SNX29: variants seen among roughly 807,000 people sequenced by gnomAD.
The protein encoded by SNX29 is sorting nexin 29.
In SNX29, 78 loss-of-function variants were observed where a neutral mutation model predicts 102.1. The observed-to-expected ratio is 0.76, with a 90% confidence interval of 0.64 to 0.92. The LOEUF is 0.92. SNX29 is among the 40% of genes least tolerant of loss of function. SNX29 has a pLI of 0.00. For synonymous variants in SNX29, 580 were observed against 414.5 expected (o/e 1.40, Z -4.85); for missense variants, 1,280 against 1,061.7 (o/e 1.21, Z -2.86).
At chr16:12,130,789 T>C (rs1309998599) in intron 13 of SNX29, among the ~76,000 whole-genome samples, 2 of 152,116 alleles carry the variant, frequency 1.3e-5, no homozygotes, top group Admixed American at 6.6e-5. Flanking sequence ...CAGCATTCAC[T>C]TGACATCTCA....
chr16:12,276,478 C>T (rs1363047315), intron 14 of SNX29, among the ~76,000 whole-genome samples: 1 of 152,170 alleles, frequency 6.6e-6, no homozygotes, highest in African/African-American at 2.4e-5. Flanking sequence ...TGGTTTTGCT[C>T]AGCCTTCCTG....
At chr16:12,404,258 G>A (rs2084075858) in intron 18 of SNX29, among the ~76,000 whole-genome samples, 1 of 152,192 alleles carries the variant, frequency 6.6e-6, no homozygotes, top group Non-Finnish European at 1.5e-5. Context: ...CCGCACCCAG[G>A]TGGGCATTGA....
chr16:12,013,501 ATAT>A lies in SNX29; in HGVS notation c.122+10459_122+10461del, dbSNP rs1276738705. 3.6e-3 allele frequency among the ~76,000 whole-genome samples: 148 copies of A among 40,874 alleles called. 4 individuals are homozygous for A. The highest frequency in any genetic ancestry group is 9.7e-3 in the African/African-American group (107 of 11,028). 26.8% of individuals were successfully genotyped at this position (40,874 alleles called of 152,430 possible). The stretch of plus-strand genomic sequence containing the variant: ...TCTCTACTGGGGGAAAAAAAAAAAA[ATAT>A]ATATATATATATATATATATATATA... On this transcript the variant is annotated intron_variant, in intron 3 of 20. Transcript: ENST00000566228.
At chr16:12,119,939 AGT>A (rs2053902378) in intron 11 of SNX29, among the ~76,000 whole-genome samples, 1 of 152,238 alleles carries the variant, frequency 6.6e-6, no homozygotes, top group Admixed American at 6.5e-5. Context: ...TGAAACAGGC[AGT>A]GTGTGGTAAC....
At chr16:11,995,721 A>G (rs1419667400) in intron 1 of SNX29, among the ~76,000 whole-genome samples, 2 of 151,344 alleles carry the variant, frequency 1.3e-5, no homozygotes, top group African/African-American at 2.4e-5. Flanking sequence ...TTTATTATTC[A>G]GGTGTGAAAG....
At chr16:12,227,720 C>T (rs1354465631) in intron 14 of SNX29, among the ~76,000 whole-genome samples, 4 of 151,786 alleles carry the variant, frequency 2.6e-5, no homozygotes, top group South Asian at 2.1e-4. Context: ...GCCAACATGG[C>T]GAAACCCAGT....
At chr16:12,557,226 TG>T (rs1458434598) in intron 20 of SNX29, 1 of 152,176 alleles carries the variant, frequency 6.6e-6, no homozygotes, top group African/African-American at 2.4e-5. Context: ...CATACGAATT[TG>T]GGAAGCTTTA....
At chr16:12,416,014 A>G (rs6498294) in intron 18 of SNX29, among the ~76,000 whole-genome samples, 70,977 of 151,802 alleles carry the variant, frequency 0.47, 18,180 homozygotes, top group Non-Finnish European at 0.58. Flanking sequence ...CCGTACTGTC[A>G]GACACATGCA....
intron 18 of SNX29, among the ~76,000 whole-genome samples, chr16:12,466,168 TA>T (rs2087042851): frequency 6.6e-6 from 1 of 151,926 alleles, no homozygotes; most frequent in African/African-American, 2.4e-5. Flanking sequence ...GAAAAAGAAA[TA>T]AAAGGCATCC....
chr16:11,986,177 T>C (rs1241977424), intron 1 of SNX29, among the ~76,000 whole-genome samples: 1 of 152,036 alleles, frequency 6.6e-6, no homozygotes, highest in Admixed American at 6.6e-5. Context: ...GTTTGAATCC[T>C]GCAAGGGGAG....
chr16:12,371,899 T>G (rs983993078), intron 16 of SNX29, among the ~76,000 whole-genome samples: 1 of 152,254 alleles, frequency 6.6e-6, no homozygotes, highest in African/African-American at 2.4e-5. Flanking sequence ...CATTTGCTCC[T>G]CCTGTTCCTT....
At chr16:12,535,849 A>G (rs941736932) in intron 20 of SNX29, among the ~76,000 whole-genome samples, 12 of 152,130 alleles carry the variant, frequency 7.9e-5, no homozygotes, top group Admixed American at 6.5e-4. Context: ...TAGATCGGCC[A>G]TGGGAGCCCT....
chr16:12,176,804 C>A (rs1294268063), intron 13 of SNX29, among the ~76,000 whole-genome samples: 1 of 152,116 alleles, frequency 6.6e-6, no homozygotes, highest in East Asian at 1.9e-4. Context: ...GTGTTGCTAT[C>A]AAATGTTGAT....
rs564156499 is a variant in SNX29, at chr16:12,013,488, G to GAAAAAAAAAAAAAAA, written c.122+10458_122+10459insAAAAAAAAAAAAAAA. ...TAGTGAAACCCTGTCTCTACTGGGG[G>GAAAAAAAAAAAAAAA]AAAAAAAAAAAAATATATATATATA... On this transcript the variant is annotated intron_variant, in intron 3 of 20. Transcript: ENST00000566228. Among the ~76,000 whole-genome samples the GAAAAAAAAAAAAAAA allele has an allele frequency of 3.9e-4, 5 of 12,976 alleles. 1 individual carries two copies. The highest frequency in any genetic ancestry group is 6.7e-4 in the Non-Finnish European group (4 of 6,008). 8.5% of individuals were successfully genotyped at this position (12,976 alleles called of 152,430 possible). A position where few individuals can be genotyped will look rare whatever the true frequency, so the allele number is the denominator to read the frequency against.
intron 20 of SNX29, among the ~76,000 whole-genome samples, chr16:12,528,561 T>A (rs2076848671): frequency 6.6e-6 from 1 of 152,270 alleles, no homozygotes; most frequent in South Asian, 2.1e-4. Flanking sequence ...CTCCCACACT[T>A]GGATGCCCCG....
At chr16:12,249,182 T>C (rs1004019826) in intron 14 of SNX29, among the ~76,000 whole-genome samples, 41 of 152,184 alleles carry the variant, frequency 2.7e-4, no homozygotes, top group African/African-American at 9.7e-4. Context: ...TGCTCCATGA[T>C]GTCTGAGGCC....
At chr16:12,223,028 A>C (rs2077518702) in intron 14 of SNX29, among the ~76,000 whole-genome samples, 1 of 152,092 alleles carries the variant, frequency 6.6e-6, no homozygotes, top group Non-Finnish European at 1.5e-5. Context: ...TTGGATTCTA[A>C]ATTTGGGACT....
At chr16:12,087,591 G>C (rs1445209708) in intron 11 of SNX29, 1 of 343,824 alleles carries the variant, frequency 2.9e-6, no homozygotes, top group Non-Finnish European at 5.8e-6. Context: ...AGCAAGACCT[G>C]CCTCTTAAAC....
intron 20 of SNX29, among the ~76,000 whole-genome samples, chr16:12,566,346 C>G (rs1486743985): frequency 1.3e-5 from 2 of 152,198 alleles, no homozygotes; most frequent in Non-Finnish European, 2.9e-5. Context: ...AGTCACCCCA[C>G]CGACTGCTAC....
Sources: gnomAD v4.1 joint callset for allele counts (sites outside exome capture counted in the v4.1 genomes callset) on GRCh38, gnomAD v4.1.1 for gene constraint, MANE v1.5 for transcripts, NCBI Gene and HGNC (gene_info 2026-07-23, HGNC 2026-07-21) for gene names.